Variants in INPP5B observed in about 807,000 individuals in gnomAD.
The protein encoded by INPP5B is type II inositol 1,4,5-trisphosphate 5-phosphatase.
Under a neutral mutation model 118.5 loss-of-function variants are expected in INPP5B, and 90 were observed. The observed-to-expected ratio is 0.76, with a 90% CI of 0.64 to 0.90. INPP5B has a LOEUF of 0.90. Among genes scored for constraint, INPP5B ranks in the 40% least tolerant of loss-of-function variants. The pLI, the probability that INPP5B is intolerant of heterozygous loss-of-function variation, is 0.00. For missense variants in INPP5B, 984 were observed against 1,125.6 expected (o/e 0.87, Z 1.80); for synonymous variants, 385 against 418.9 (o/e 0.92, Z 0.99).
chr1:37,896,483 C>G (rs1472533020), intron 7 of INPP5B, among the ~76,000 whole-genome samples: 2 of 148,914 alleles, frequency 1.3e-5, no homozygotes, highest in Non-Finnish European at 3.0e-5. Context: ...GGGGATCAGC[C>G]CCCCGCCCGG....
At chr1:37,946,415 G>T in intron 1 of INPP5B, 81 bp from the exon 2 acceptor site, 2 of 988,466 alleles carry the variant, frequency 2.0e-6, no homozygotes, top group Non-Finnish European at 1.5e-6. Flanking sequence ...GGGGTTGGGG[G>T]CAGGAGGGAG....
At chr1:37,866,372 CCT>C (rs760276199) in intron 21 of INPP5B, 85 bp downstream of exon 21, 105 of 697,216 alleles carry the variant, frequency 1.5e-4, no homozygotes, top group South Asian at 5.7e-4. Context: ...TTTTCTCACC[CCT>C]CTCACTCATA....
chr1:37,868,462 C>G (rs892456112), intron 20 of INPP5B, 39 bp downstream of exon 20: 5 of 1,381,520 alleles, frequency 3.6e-6, no homozygotes, highest in Non-Finnish European at 4.1e-6. Flanking sequence ...TCAAGGCAGC[C>G]TGGCCTCAAT....
At chr1:37,939,422 T>C (rs1645827440) in intron 6 of INPP5B, among the ~76,000 whole-genome samples, 1 of 149,286 alleles carries the variant, frequency 6.7e-6, no homozygotes, top group African/African-American at 2.4e-5. Context: ...TCTATAATCA[T>C]GTTTCTACTT....
At chr1:37,864,109 C>T (rs944741872) in intron 23 of INPP5B, among the ~76,000 whole-genome samples, 2 of 152,006 alleles carry the variant, frequency 1.3e-5, no homozygotes, top group African/African-American at 2.4e-5. Flanking sequence ...GCCACCGCCC[C>T]CAGCCCATGA....
intron 1 of INPP5B, among the ~76,000 whole-genome samples, chr1:37,946,614 T>A (rs1646120698): frequency 6.6e-6 from 1 of 152,178 alleles, no homozygotes; most frequent in South Asian, 2.1e-4. Context: ...TGGTCTATCC[T>A]TGTTGGAAGT....
chr1:37,915,910 C>A (rs1407184864), intron 7 of INPP5B, among the ~76,000 whole-genome samples: 1 of 152,194 alleles, frequency 6.6e-6, no homozygotes, highest in African/African-American at 2.4e-5. Context: ...CTGCCTCATA[C>A]AATTGCTGTC....
intron 7 of INPP5B, among the ~76,000 whole-genome samples, chr1:37,914,571 T>TG (rs1027736292): frequency 7.9e-5 from 12 of 152,280 alleles, no homozygotes; most frequent in African/African-American, 1.9e-4. Flanking sequence ...ACTCCACCCC[T>TG]GATCCTGGGT....
In INPP5B at chr1:37,861,429, T is replaced by C. The variant is rs1240863919; in HGVS notation, c.*886A>G. The C allele has an allele frequency of 1.3e-5, 2 of 152,290 alleles. No homozygotes were observed. Among genetic ancestry groups the C allele is most frequent in the African/African-American group, 4.8e-5 (2 of 41,466 alleles). The allele number at this position is 152,290 out of a possible 1,614,324, so 9.4% of individuals were successfully genotyped here. The stretch of plus-strand genomic sequence containing the variant: ...GGGTGAGTGAGTACAAGTACAGTTA[T>C]TTAAAAACATTTTAGGCCAGGCGTG... On this transcript the variant is annotated 3_prime_UTR_variant, in exon 24 of 24. Coordinates refer to ENST00000373024, the MANE Select transcript of INPP5B (RefSeq NM_005540.3).
At chr1:37,911,124 G>C (rs924413157) in intron 7 of INPP5B, among the ~76,000 whole-genome samples, 1 of 152,162 alleles carries the variant, frequency 6.6e-6, no homozygotes, top group African/African-American at 2.4e-5. Context: ...TTTTAGCCTA[G>C]CCCTTACGTC....
chr1:37,875,892 G>T (rs1348123345), intron 16 of INPP5B, among the ~76,000 whole-genome samples, 176 bp from the exon 17 acceptor site: 6 of 152,204 alleles, frequency 3.9e-5, no homozygotes, highest in African/African-American at 1.4e-4. Context: ...GGATCTGCCA[G>T]AGGCAAAGCT....
intron 7 of INPP5B, chr1:37,930,887 G>A (rs1557714199): frequency 6.6e-6 from 1 of 152,504 alleles, no homozygotes; most frequent in African/African-American, 2.4e-5. Flanking sequence ...GGTACTAGGG[G>A]TCATGCCAAA....
intron 7 of INPP5B, among the ~76,000 whole-genome samples, chr1:37,914,412 A>C (rs2148612036): frequency 6.6e-6 from 1 of 152,078 alleles, no homozygotes; most frequent in South Asian, 2.1e-4. Context: ...TTGGAACAAA[A>C]CCCAAACCTC....
intron 7 of INPP5B, among the ~76,000 whole-genome samples, chr1:37,912,095 G>A (rs1644720068): frequency 6.6e-6 from 1 of 152,168 alleles, no homozygotes; most frequent in Non-Finnish European, 1.5e-5. Flanking sequence ...GGCTAGACAG[G>A]AAATTCGCTA....
At chr1:37,916,441 A>G (rs1570282952) in intron 7 of INPP5B, among the ~76,000 whole-genome samples, 2 of 136,340 alleles carry the variant, frequency 1.5e-5, no homozygotes, top group Non-Finnish European at 3.1e-5. Context: ...TTTGAGGCAG[A>G]GTTTTGCTCT....
At chr1:37,904,684 C>A (rs1644446473) in intron 7 of INPP5B, among the ~76,000 whole-genome samples, 2 of 151,930 alleles carry the variant, frequency 1.3e-5, no homozygotes, top group Non-Finnish European at 2.9e-5. Flanking sequence ...TCGAGACCAG[C>A]CTGACCAACA....
chr1:37,862,365 T>G lies in INPP5B; in HGVS notation c.2692A>C (p.Lys898Gln). 1 of 1,614,044 alleles carries G rather than the reference T, an allele frequency of 6.2e-7. No homozygotes were observed. The highest frequency in any genetic ancestry group is 8.5e-7 in the Non-Finnish European group (1 of 1,179,946). ...TGAATAAATTCTTGAGCCTTCTTCT[T>G]CTCTGTCATATCAAGCTTTTGGTGA... ...AGHQKLDMTE[K>Q]KKAQEFIHQF... Residue 898 changes from lysine (K) to glutamine (Q), a missense_variant, in exon 24 of 24, where the codon AAG becomes CAG. Physicochemically the swap from Lys to Gln is moderately conservative, Grantham distance 53. Coordinates refer to ENST00000373024, the MANE Select transcript of INPP5B (RefSeq NM_005540.3).
intron 7 of INPP5B, among the ~76,000 whole-genome samples, chr1:37,919,486 G>T (rs1400077880): frequency 2.0e-5 from 3 of 152,036 alleles, no homozygotes; most frequent in Admixed American, 2.0e-4. Flanking sequence ...CCACCAGGGG[G>T]ACATTCCAAG....
chr1:37,900,841 C>G (rs1214069445), intron 7 of INPP5B, among the ~76,000 whole-genome samples: 1 of 151,298 alleles, frequency 6.6e-6, no homozygotes, highest in Non-Finnish European at 1.5e-5. Flanking sequence ...GACAGAGTCT[C>G]TCTCTTGTCA....
Sources: gnomAD v4.1 joint callset for allele counts (sites outside exome capture counted in the v4.1 genomes callset) on GRCh38, gnomAD v4.1.1 for gene constraint, MANE v1.5 for transcripts, NCBI Gene and HGNC (gene_info 2026-07-23, HGNC 2026-07-21) for gene names.